PEBP4: variants seen among roughly 807,000 people sequenced by gnomAD.
The protein encoded by PEBP4 is phosphatidylethanolamine-binding protein 4.
In PEBP4, 22 loss-of-function variants were observed where a neutral mutation model predicts 23.9. The observed-to-expected ratio is 0.92, with a 90% CI of 0.66 to 1.31. The LOEUF (loss-of-function observed/expected upper bound fraction) is 1.31. Among genes scored for constraint, PEBP4 ranks in the 40% most tolerant of loss-of-function variants. The probability of loss-of-function intolerance (pLI) is 0.00; values close to 1 mark genes in which losing one functional copy is unlikely to be tolerated. For missense variants in PEBP4, 324 were observed against 281.7 expected (o/e 1.15, Z -1.07); for synonymous variants, 112 against 99.3 (o/e 1.13, Z -0.76).
intron 6 of PEBP4, among the ~76,000 whole-genome samples, chr8:22,722,135 G>A (rs1585235731): frequency 4.0e-5 from 6 of 151,850 alleles, no homozygotes; most frequent in South Asian, 2.1e-4. Context: ...CTCCTCTGCC[G>A]GACTTCTGAG....
chr8:22,728,543 CCTTTCTTTCTTT>C (rs142257916), intron 4 of PEBP4, among the ~76,000 whole-genome samples: 3,630 of 115,192 alleles, frequency 0.032, 98 homozygotes, highest in Admixed American at 0.072. Context: ...TTTCTTCCTT[CCTTTCTTTCTTT>C]CTTTCTTCCT....
At chr8:22,744,722 G>A (rs1281754455) in intron 4 of PEBP4, 1 of 152,340 alleles carries the variant, frequency 6.6e-6, no homozygotes, top group Non-Finnish European at 1.5e-5. Context: ...GATGGGGAGA[G>A]TGGGGAGCAA....
At chr8:22,893,256 A>G (rs1585328920) in intron 3 of PEBP4, among the ~76,000 whole-genome samples, 1 of 152,218 alleles carries the variant, frequency 6.6e-6, no homozygotes, top group African/African-American at 2.4e-5. Flanking sequence ...CTCTTGTCCT[A>G]TTTACCAAAG....
rs1563240354 is a variant in PEBP4 at position 22,860,192 on chromosome 8, GTATATATATATATACACATATA to G, written c.259-42479_259-42458del. Reference sequence around the variant, plus strand: ...TGTATATATATATACACATATATATGTATATATATATATACACATATATGTATATATATATATGGTGCCAGAA... The same window carrying G: ...TGTATATATATATACACATATATATGTGTATATATATATATGGTGCCAGAA... On this transcript the variant is annotated intron_variant, in intron 3 of 6. Coordinates refer to ENST00000256404, the MANE Select transcript of PEBP4 (RefSeq NM_144962.3). Among the ~76,000 whole-genome samples, 22 of 68,356 alleles carry G rather than the reference GTATATATATATATACACATATA, an allele frequency of 3.2e-4. 2 individuals are homozygous for G. Among genetic ancestry groups the G allele is most frequent in the African/African-American group, 7.7e-4 (22 of 28,672 alleles). The allele number at this position is 68,356 out of a possible 152,430, so 44.8% of individuals were successfully genotyped here. A position where few individuals can be genotyped will look rare whatever the true frequency, so the allele number is the denominator to read the frequency against.
intron 4 of PEBP4, among the ~76,000 whole-genome samples, chr8:22,795,143 G>GTGTGTGTATATA (rs1268855798): frequency 8.0e-5 from 4 of 49,926 alleles, no homozygotes; most frequent in African/African-American, 3.6e-4. Context: ...ATGTGTGTGT[G>GTGTGTGTATATA]TATATATATA....
At chr8:22,791,507 G>A (rs1806140436) in intron 4 of PEBP4, among the ~76,000 whole-genome samples, 1 of 152,042 alleles carries the variant, frequency 6.6e-6, no homozygotes. Flanking sequence ...TACCGAGAAA[G>A]CTGTGGGCTT....
chr8:22,893,755 C>T (rs992068687), intron 3 of PEBP4, among the ~76,000 whole-genome samples: 1 of 151,608 alleles, frequency 6.6e-6, no homozygotes. Flanking sequence ...AAATAAAACA[C>T]AGAGAGAAAA....
At chr8:22,892,060 A>C (rs1808506163) in intron 3 of PEBP4, among the ~76,000 whole-genome samples, 1 of 151,836 alleles carries the variant, frequency 6.6e-6, no homozygotes, top group African/African-American at 2.4e-5. Context: ...GCGAAAGAGC[A>C]AGACTCCGTC....
Position 22,741,283 on chromosome 8 carries a change from G to A in PEBP4, c.358-14063C>T, listed in dbSNP as rs546392384. 1.6e-4 allele frequency among the ~76,000 whole-genome samples: 24 copies of A among 152,270 alleles called. 1 individual carries two copies. In the South Asian group the frequency reaches 4.2e-3, roughly 26 times the overall value. On this transcript the variant is annotated intron_variant, in intron 4 of 6. Coordinates refer to ENST00000256404, the MANE Select transcript of PEBP4 (RefSeq NM_144962.3). ...GCCAAGGCCTGTGTGGTGGGCCTTC[G>A]TGTCCCTGCCTGCCTTCGTCAACCC...
At chr8:22,893,843 A>G (rs13272371) in intron 3 of PEBP4, among the ~76,000 whole-genome samples, 33,357 of 152,104 alleles carry the variant, frequency 0.22, 3,816 homozygotes, top group Middle Eastern at 0.28. Flanking sequence ...TACATGCAAT[A>G]GGAGTCCCTA....
intron 6 of PEBP4, among the ~76,000 whole-genome samples, chr8:22,718,725 T>C (rs367598306): frequency 2.0e-5 from 3 of 151,858 alleles, no homozygotes; most frequent in Admixed American, 1.3e-4. Context: ...TGAACCACCA[T>C]GGGAGGTCAC....
intron 4 of PEBP4, among the ~76,000 whole-genome samples, chr8:22,729,396 C>G (rs1001760177): frequency 1.3e-5 from 2 of 152,228 alleles, no homozygotes; most frequent in African/African-American, 4.8e-5. Context: ...CTGGCTGTTT[C>G]TTTTCAATTC....
At chr8:22,866,047 C>A (rs1164327400) in intron 3 of PEBP4, among the ~76,000 whole-genome samples, 1 of 152,238 alleles carries the variant, frequency 6.6e-6, no homozygotes, top group Non-Finnish European at 1.5e-5. Context: ...ACGCCTGTCC[C>A]CTTTCAGAGC....
rs111573763 is a variant in PEBP4 at position 22,847,031 on chromosome 8, T to G, written c.259-29296A>C. On this transcript the variant is annotated intron_variant, in intron 3 of 6. Coordinates refer to ENST00000256404, the MANE Select transcript of PEBP4 (RefSeq NM_144962.3). ...TTTTAAAAAATAAAAAAAAAGGGGA[T>G]CCTGGTAAATTGGTCCTCAAGAGAA... 4.4e-3 allele frequency among the ~76,000 whole-genome samples: 663 copies of G among 152,066 alleles called. 4 individuals carry two copies. The highest frequency in any genetic ancestry group is 0.015 in the African/African-American group (626 of 41,472).
intron 3 of PEBP4, among the ~76,000 whole-genome samples, chr8:22,824,586 A>G (rs1585293223): frequency 1.3e-5 from 2 of 152,300 alleles, no homozygotes; most frequent in East Asian, 3.8e-4. Flanking sequence ...ATCGATAATG[A>G]AATAATTATA....
chr8:22,903,188 C>T (rs182709395), intron 3 of PEBP4, among the ~76,000 whole-genome samples: 1 of 152,280 alleles, frequency 6.6e-6, no homozygotes, highest in East Asian at 1.9e-4. Context: ...ATTTGAGAGC[C>T]AGCCATGATA....
intron 3 of PEBP4, chr8:22,878,050 C>G (rs765464516): frequency 6.6e-6 from 1 of 152,114 alleles, no homozygotes; most frequent in Non-Finnish European, 1.5e-5. Context: ...AACCTGTGTC[C>G]CCAGCCCTCC....
At chr8:22,812,737 GAT>G (rs1806657513) in intron 4 of PEBP4, among the ~76,000 whole-genome samples, 1 of 152,008 alleles carries the variant, frequency 6.6e-6, no homozygotes, top group African/African-American at 2.4e-5. Context: ...TGTGGTTCTG[GAT>G]ATATAGAAAA....
intron 4 of PEBP4, among the ~76,000 whole-genome samples, chr8:22,798,950 C>T (rs1806327269): frequency 6.6e-6 from 1 of 151,868 alleles, no homozygotes; most frequent in African/African-American, 2.4e-5. Context: ...GTTGGTCAGG[C>T]TGGTCTCGAA....
Sources: gnomAD v4.1 joint callset for allele counts (sites outside exome capture counted in the v4.1 genomes callset) on GRCh38, gnomAD v4.1.1 for gene constraint, MANE v1.5 for transcripts, NCBI Gene and HGNC (gene_info 2026-07-23, HGNC 2026-07-21) for gene names.